The following PAX5 variants were observed in gnomAD, a reference collection of about 807,000 sequenced individuals.
PAX5 encodes the protein paired box 5, also known as paired box protein Pax-5.
PAX5 carries 9 observed loss-of-function variants against 43.7 expected under a neutral mutation model. That is an observed-to-expected ratio of 0.21 (90% CI 0.12 to 0.36). The LOEUF is 0.36. PAX5 is among the 10% of genes least tolerant of loss of function. The pLI is 1.00. For synonymous variants in PAX5, 228 were observed against 214.3 expected, an observed-to-expected ratio of 1.06 and a Z score of -0.56; for missense variants, 383 against 532.7, an observed-to-expected ratio of 0.72 and a Z score of 2.77.
intron 7 of PAX5, among the ~76,000 whole-genome samples, chr9:36,915,014 A>T (rs74307356): frequency 0.048 from 7,359 of 152,264 alleles, 232 homozygotes; most frequent in East Asian, 0.11. Flanking sequence ...GCTGCATAGT[A>T]TTTTATTGTG....
chr9:36,934,118 G>A (rs993703355), intron 6 of PAX5, among the ~76,000 whole-genome samples: 5 of 152,212 alleles, frequency 3.3e-5, no homozygotes, highest in African/African-American at 1.2e-4. Flanking sequence ...GAATTCCACC[G>A]GGTCTGGGGC....
chr9:36,990,227 C>T (rs1382578473), intron 5 of PAX5, among the ~76,000 whole-genome samples: 1 of 152,194 alleles, frequency 6.6e-6, no homozygotes, highest in Non-Finnish European at 1.5e-5. Flanking sequence ...ATTCATATAA[C>T]AGTCCAATCA....
At chr9:36,933,127 G>C (rs1467618434) in intron 6 of PAX5, among the ~76,000 whole-genome samples, 1 of 145,020 alleles carries the variant, frequency 6.9e-6, no homozygotes, top group African/African-American at 2.6e-5. Context: ...CTGGGTGACA[G>C]AGGGAGACCC....
chr9:36,862,235 AG>A (rs1824287260), intron 8 of PAX5, among the ~76,000 whole-genome samples: 1 of 152,128 alleles, frequency 6.6e-6, no homozygotes, highest in Non-Finnish European at 1.5e-5. Flanking sequence ...TGGGTGTGGA[AG>A]CTCTGGGTAA....
At chr9:36,903,415 T>C (rs1451812469) in intron 7 of PAX5, among the ~76,000 whole-genome samples, 2 of 152,378 alleles carry the variant, frequency 1.3e-5, no homozygotes, top group African/African-American at 4.8e-5. Context: ...GCTTTTATTT[T>C]TTGCTTGAAA....
chr9:36,854,733 C>T lies in PAX5; in HGVS notation c.1013-7804G>A, dbSNP rs549501635. Among the ~76,000 whole-genome samples the T allele has an allele frequency of 6.5e-4, 99 of 152,316 alleles. 1 individual carries two copies. Among genetic ancestry groups the T allele is most frequent in the African/African-American group, 2.4e-3 (98 of 41,570 alleles). Reference sequence around the variant, plus strand: ...AGCTCAGTAAAGGTCAGCCTGTCGGCCCCGACAGCCGTGCATCGATCCATT... The same window carrying T: ...AGCTCAGTAAAGGTCAGCCTGTCGGTCCCGACAGCCGTGCATCGATCCATT... On this transcript the variant is annotated intron_variant, in intron 8 of 9. Transcript: ENST00000358127.
At chr9:36,907,576 G>T (rs1252978447) in intron 7 of PAX5, among the ~76,000 whole-genome samples, 1 of 152,148 alleles carries the variant, frequency 6.6e-6, no homozygotes, top group African/African-American at 2.4e-5. Context: ...TGAGGATCGG[G>T]GCTGTTCAGC....
intron 5 of PAX5, among the ~76,000 whole-genome samples, chr9:36,972,802 C>T (rs1488151733): frequency 6.6e-6 from 1 of 152,080 alleles, no homozygotes; most frequent in Non-Finnish European, 1.5e-5. Flanking sequence ...CCGAGGCAGG[C>T]AAATCACTTG....
At chr9:36,890,299 G>A (rs1422603958) in intron 7 of PAX5, among the ~76,000 whole-genome samples, 2 of 152,178 alleles carry the variant, frequency 1.3e-5, no homozygotes, top group Admixed American at 1.3e-4. Context: ...ATGGCTTGAT[G>A]GCCCGAGAGG....
intron 7 of PAX5, among the ~76,000 whole-genome samples, chr9:36,909,704 T>C (rs1829094150): frequency 6.6e-6 from 1 of 151,940 alleles, no homozygotes; most frequent in African/African-American, 2.4e-5. Context: ...CCTGCTGCTT[T>C]AGCTACAGGG....
In PAX5 at chr9:36,846,856, G is replaced by A. The variant is rs747736982; in HGVS notation, c.1086C>T (p.Asn362=). The change falls in exon 9 of 10, where the codon AAC becomes AAT. Residue 362 remains asparagine, a synonymous_variant. Transcript: ENST00000358127. ...GCCAGTACTCACCAAGCAGCCCCGG[G>A]TTGGGGAACCTCCAGGAGTCGTTGT... The part of the protein sequence containing the change: ...SSYNDSWRFP[N]PGLLGSPYYY... 9.3e-6 allele frequency: 15 copies of A among 1,613,766 alleles called. No individual in the cohort carries two copies. The highest frequency in any genetic ancestry group is 2.2e-5 in the East Asian group (1 of 44,894).
intron 5 of PAX5, among the ~76,000 whole-genome samples, chr9:36,978,009 G>C (rs1835596247): frequency 6.6e-6 from 1 of 152,252 alleles, no homozygotes; most frequent in South Asian, 2.1e-4. Flanking sequence ...GAGCTGTTCA[G>C]CATCACTATC....
intron 9 of PAX5, among the ~76,000 whole-genome samples, chr9:36,844,812 C>T (rs1822407645): frequency 6.6e-6 from 1 of 152,204 alleles, no homozygotes; most frequent in Non-Finnish European, 1.5e-5. Context: ...CAGGTCCAAA[C>T]TCCCCAGCCT....
intron 5 of PAX5, among the ~76,000 whole-genome samples, chr9:36,977,684 C>A (rs1276529561): frequency 6.6e-6 from 1 of 152,202 alleles, no homozygotes; most frequent in African/African-American, 2.4e-5. Flanking sequence ...GTATGCACCA[C>A]CACACCCGGC....
In PAX5 at chr9:36,897,352, G is replaced by A. The variant is rs958835333; in HGVS notation, c.911-15247C>T. Among the ~76,000 whole-genome samples the A allele has an allele frequency of 2.6e-5, 4 of 152,140 alleles. No homozygotes were observed. In the South Asian group the frequency reaches 6.2e-4, roughly 24 times the overall value. On this transcript the variant is annotated intron_variant, in intron 7 of 9. Transcript: ENST00000358127. ...TAAAGTTCAACCAGTTTGGGGGAGG[G>A]GTCGATCTGTTCCCATGAGCCTCCA...
In PAX5 at chr9:37,015,774, T is replaced by G. The variant is rs183538050; in HGVS notation, c.213-580A>C. Among the ~76,000 whole-genome samples, 261 of 152,176 alleles carry G rather than the reference T, an allele frequency of 1.7e-3. No homozygotes were observed. The highest frequency in any genetic ancestry group is 5.8e-3 in the African/African-American group (239 of 41,500). On this transcript the variant is annotated intron_variant, in intron 2 of 9. Coordinates refer to ENST00000358127, the MANE Select transcript of PAX5 (RefSeq NM_016734.3). The surrounding 1 kb of genome is among the most constrained non-coding windows in gnomAD (Gnocchi z 4.4). The stretch of plus-strand genomic sequence containing the variant: ...TTGTATTTTTAGTAGAGACGGGGGT[T>G]TCACCATGTTAGTCAGGCTGGTCTC...
chr9:36,868,870 T>G (rs1487623335), intron 8 of PAX5, among the ~76,000 whole-genome samples: 1 of 151,772 alleles, frequency 6.6e-6, no homozygotes, highest in Non-Finnish European at 1.5e-5. Context: ...CCTCACAACA[T>G]GCTTTCAAAT....
chr9:36,964,037 T>C (rs990874003), intron 6 of PAX5, among the ~76,000 whole-genome samples: 10 of 152,136 alleles, frequency 6.6e-5, no homozygotes, highest in Non-Finnish European at 1.2e-4. Flanking sequence ...TCCCAGCACT[T>C]TGGGAGGCCG....
intron 1 of PAX5, among the ~76,000 whole-genome samples, chr9:37,025,459 G>A (rs879714099): frequency 6.6e-6 from 1 of 152,196 alleles, no homozygotes. Flanking sequence ...GCATGGGGAC[G>A]GCTCCTAGCC....
Sources: allele counts gnomAD v4.1 joint callset (sites outside exome capture counted in the v4.1 genomes callset), GRCh38; gene constraint gnomAD v4.1.1; non-coding constraint Gnocchi (gnomAD v3.1); transcripts MANE v1.5; gene names NCBI Gene and HGNC (gene_info 2026-07-23, HGNC 2026-07-21).